RAB33B: variants seen among roughly 807,000 people sequenced by gnomAD.
RAB33B encodes the protein ras-related protein Rab-33B.
Under a neutral mutation model 15.0 loss-of-function variants are expected in RAB33B, and 6 were observed. The ratio of observed to expected loss-of-function variants is 0.40; its 90% confidence interval spans 0.22 to 0.79. The LOEUF is 0.79. Among genes scored for constraint, RAB33B ranks in the 30% least tolerant of loss-of-function variants. The probability of loss-of-function intolerance (pLI) is 0.37; values close to 1 mark genes in which losing one functional copy is unlikely to be tolerated. For missense variants in RAB33B, 257 were observed against 296.4 expected, an observed-to-expected ratio of 0.87 and a Z score of 0.98; for synonymous variants, 117 against 108.3, an observed-to-expected ratio of 1.08 and a Z score of -0.50.
chr4:139,467,793 G>A (rs1272605162), intron 1 of RAB33B, among the ~76,000 whole-genome samples: 1 of 151,710 alleles, frequency 6.6e-6, no homozygotes, highest in African/African-American at 2.4e-5. Flanking sequence ...AGGAGGTTGA[G>A]GCAGCAGTGA....
the RAB33B span, among the ~76,000 whole-genome samples, chr4:139,438,383 G>A: frequency 2.0e-5 from 3 of 152,146 alleles, no homozygotes; most frequent in Admixed American, 6.5e-5. Context: ...GTTCCTGTAA[G>A]CAAAGAGTAA....
In RAB33B at chr4:139,454,396, G is replaced by A. The variant is rs568007401; in HGVS notation, c.201G>A (p.Gly67=). 2.8e-5 allele frequency: 45 copies of A among 1,613,306 alleles called. 2 individuals are homozygous for A. In the South Asian group the frequency reaches 4.2e-4, roughly 15 times the overall value. ...CCGACCGCACCGAGGCCACGATAGGGGTGGATTTCCGAGAACGAGCGGTGG... is the reference window on the plus strand; with the variant it reads ...CCGACCGCACCGAGGCCACGATAGGAGTGGATTTCCGAGAACGAGCGGTGG... The part of the protein sequence containing the change: ...RFPDRTEATI[G]VDFRERAVEI... The change falls in exon 1 of 2, where the codon GGG becomes GGA. Residue 67 remains glycine, a synonymous_variant. Transcript: ENST00000305626.
chr4:139,445,527 A>G, the RAB33B span, among the ~76,000 whole-genome samples: 2 of 152,180 alleles, frequency 1.3e-5, no homozygotes, highest in African/African-American at 4.8e-5. Flanking sequence ...TCCTGTCGAG[A>G]TGTTCCTTCT....
At chr4:139,439,470 T>C in the RAB33B span, among the ~76,000 whole-genome samples, 1 of 152,270 alleles carries the variant, frequency 6.6e-6, no homozygotes, top group Non-Finnish European at 1.5e-5. Flanking sequence ...CAAAATTCTC[T>C]TCTGATAGTT....
chr4:139,446,003 AACTG>A, the RAB33B span, among the ~76,000 whole-genome samples: 3 of 152,170 alleles, frequency 2.0e-5, no homozygotes, highest in South Asian at 4.1e-4. Context: ...ATTCAACCTG[AACTG>A]ACTATCATTA....
At chr4:139,445,794 TGTCA>T in the RAB33B span, among the ~76,000 whole-genome samples, 16 of 152,224 alleles carry the variant, frequency 1.1e-4, no homozygotes, top group African/African-American at 3.6e-4. Flanking sequence ...GTGCTTGAGG[TGTCA>T]GTGACACCTC....
At chr4:139,447,332 A>G in the RAB33B span, among the ~76,000 whole-genome samples, 1 of 152,138 alleles carries the variant, frequency 6.6e-6, no homozygotes, top group Non-Finnish European at 1.5e-5. Flanking sequence ...CCAATATATG[A>G]TACTATTTCT....
At chr4:139,444,230 A>G in the RAB33B span, among the ~76,000 whole-genome samples, 6 of 152,090 alleles carry the variant, frequency 3.9e-5, no homozygotes, top group Admixed American at 2.6e-4. Flanking sequence ...AGGTTCTAAT[A>G]GTTTATTTGC....
the RAB33B span, among the ~76,000 whole-genome samples, chr4:139,440,809 C>T: frequency 6.6e-6 from 1 of 152,152 alleles, no homozygotes; most frequent in African/African-American, 2.4e-5. Flanking sequence ...ACGGATTTTG[C>T]CATGTTGGCC....
rs1278232297 is a variant in RAB33B at position 139,458,273 on chromosome 4, GTCTC to G, written c.249+3837_249+3840del. On this transcript the variant is annotated intron_variant, in intron 1 of 1. Coordinates refer to ENST00000305626, the MANE Select transcript of RAB33B (RefSeq NM_031296.3). ...TCCAGCAGAGCCAGACCCTGTCTCT[GTCTC>G]TCTCTCTTTTTTTTTTAACACGTTT... Among the ~76,000 whole-genome samples the G allele has an allele frequency of 6.6e-5, 10 of 152,088 alleles. No individual in the cohort carries two copies. The East Asian group carries it at 1.4e-3, about 21-fold the overall frequency.
chr4:139,473,607 C>T lies in RAB33B; in HGVS notation c.*481C>T, dbSNP rs1750438727. The T allele has an allele frequency of 6.4e-6, 1 of 155,922 alleles. No homozygotes were observed. The highest frequency in any genetic ancestry group is 1.4e-5 in the Non-Finnish European group (1 of 70,366). 9.7% of individuals were successfully genotyped at this position (155,922 alleles called of 1,614,324 possible). The stretch of plus-strand genomic sequence containing the variant: ...ATGTTGTCCAGGCTGGCCTTGAGCT[C>T]CTGGGCTCAAGCAATCCTCCCACCT... On this transcript the variant is annotated 3_prime_UTR_variant, in exon 2 of 2. Coordinates refer to ENST00000305626, the MANE Select transcript of RAB33B (RefSeq NM_031296.3).
the RAB33B span, among the ~76,000 whole-genome samples, chr4:139,447,226 C>T: frequency 6.6e-6 from 1 of 152,146 alleles, no homozygotes; most frequent in Non-Finnish European, 1.5e-5. Context: ...ACGGAATGGC[C>T]TTTTGAAGTC....
intron 1 of RAB33B, among the ~76,000 whole-genome samples, chr4:139,467,308 CTTTTTTTTTTTTTT>C (rs70943422): frequency 6.2e-3 from 110 of 17,622 alleles, no homozygotes; most frequent in African/African-American, 0.012. Context: ...CCCCCCGCCG[CTTTTTTTTTTTTTT>C]TTTTTTTTTT....
chr4:139,459,281 A>T (rs1023487129), intron 1 of RAB33B, among the ~76,000 whole-genome samples: 1 of 152,054 alleles, frequency 6.6e-6, no homozygotes, highest in Non-Finnish European at 1.5e-5. Flanking sequence ...CCAAAAATTT[A>T]AAAAAATCAG....
At chr4:139,449,072 T>C (rs1329968903), upstream of RAB33B, 1 of 151,342 alleles carries the variant, frequency 6.6e-6, no homozygotes, top group African/African-American at 2.4e-5. Flanking sequence ...AAAAATCAGG[T>C]TGAGACCCTC....
chr4:139,461,177 G>C (rs557560675), intron 1 of RAB33B, among the ~76,000 whole-genome samples: 3 of 152,286 alleles, frequency 2.0e-5, no homozygotes, highest in African/African-American at 7.2e-5. Flanking sequence ...CTAAACTATG[G>C]TAGTGACAGG....
upstream of RAB33B, chr4:139,453,462 T>G (rs922261665): frequency 1.3e-5 from 2 of 152,384 alleles, no homozygotes; most frequent in Non-Finnish European, 2.9e-5. Context: ...CGCCTCCAAG[T>G]GCGCCCCGCA....
chr4:139,464,634 C>T (rs997611906), intron 1 of RAB33B, among the ~76,000 whole-genome samples: 5 of 151,960 alleles, frequency 3.3e-5, no homozygotes, highest in African/African-American at 9.7e-5. Context: ...TGAGAACATG[C>T]GGTGTTTGGT....
upstream of RAB33B, chr4:139,448,429 T>A (rs1489692012): frequency 2.0e-5 from 3 of 152,200 alleles, no homozygotes; most frequent in Non-Finnish European, 4.4e-5. Flanking sequence ...AGAAAATATC[T>A]TCATTTTATT....
Sources: gnomAD v4.1 joint callset for allele counts (sites outside exome capture counted in the v4.1 genomes callset) on GRCh38, gnomAD v4.1.1 for gene constraint, MANE v1.5 for transcripts, NCBI Gene and HGNC (gene_info 2026-07-23, HGNC 2026-07-21) for gene names.